Variants in DCTN5 observed in about 807,000 individuals in gnomAD.
DCTN5 encodes the protein dynactin 4.
DCTN5 carries 14 observed loss-of-function variants against 23.5 expected under a neutral mutation model. The observed-to-expected ratio is 0.60, with a 90% CI of 0.39 to 0.93. DCTN5 has a LOEUF of 0.93. Among genes scored for constraint, DCTN5 ranks in the 40% least tolerant of loss-of-function variants. The pLI, the probability that DCTN5 is intolerant of heterozygous loss-of-function variation, is 0.00. For missense variants in DCTN5, 156 were observed against 225.9 expected (o/e 0.69, Z 1.98); for synonymous variants, 67 against 79.6 (o/e 0.84, Z 0.84).
At position 23,644,905 on chromosome 16, in the gene DCTN5, G is replaced by C. The variant is rs1458598507; in HGVS notation, c.117+1882G>C. Among the ~76,000 whole-genome samples, 4 of 143,348 alleles carry C rather than the reference G, an allele frequency of 2.8e-5. No homozygotes were observed. The East Asian group carries it at 9.1e-4, about 33-fold the overall frequency. 94.0% of individuals were successfully genotyped at this position (143,348 alleles called of 152,430 possible). ...AAGGATTCTCATGCCTCAGCCTCCT[G>C]TGTAGCTGGGACTACAGGTGCACGC... On this transcript the variant is annotated intron_variant, in intron 2 of 5. Transcript: ENST00000300087.
intron 3 of DCTN5, among the ~76,000 whole-genome samples, chr16:23,659,172 A>C (rs1043044669): frequency 3.3e-5 from 5 of 151,944 alleles, no homozygotes; most frequent in African/African-American, 1.2e-4. Context: ...TTACTTCCAA[A>C]CTCTTGAGAG....
intron 2 of DCTN5, among the ~76,000 whole-genome samples, chr16:23,643,637 G>A (rs752542717): frequency 1.3e-5 from 2 of 152,006 alleles, no homozygotes; most frequent in South Asian, 4.1e-4. Flanking sequence ...GGCACAAAGT[G>A]TAACAGGTAA....
rs750072403 is a variant in DCTN5 at position 23,658,498 on chromosome 16, G to C, written c.118-9G>C. On this transcript the variant is annotated splice_polypyrimidine_tract_variant and intron_variant, in intron 2 of 5. Coordinates refer to ENST00000300087, the MANE Select transcript of DCTN5 (RefSeq NM_032486.4). ...TTGCTAATTTTTTAAAATTTGCTTCGTCTTACAGACCATTGTGATGAATGA... is the reference window on the plus strand; with the variant it reads ...TTGCTAATTTTTTAAAATTTGCTTCCTCTTACAGACCATTGTGATGAATGA... The C allele has an allele frequency of 4.4e-6, 7 of 1,606,638 alleles. No homozygotes were observed. The highest frequency in any genetic ancestry group is 4.0e-5 in the African/African-American group (3 of 74,676).
chr16:23,643,202 G>C (rs1038304367), intron 2 of DCTN5, among the ~76,000 whole-genome samples, 179 bp downstream of exon 2: 1 of 144,038 alleles, frequency 6.9e-6, no homozygotes, highest in African/African-American at 2.6e-5. Context: ...TTTTTGTTTC[G>C]GTTTTTTTTG....
At position 23,675,609 on chromosome 16, in the gene DCTN5, A is replaced by G. The variant is rs1480366684; in HGVS notation, c.*8465A>G. 6 of 152,164 alleles carry G rather than the reference A, an allele frequency of 3.9e-5. No individual in the cohort carries two copies. The East Asian group carries it at 7.7e-4, about 20-fold the overall frequency. The allele number at this position is 152,164 out of a possible 1,614,324, so 9.4% of individuals were successfully genotyped here. ...AGTAAGAGATGGTTGAAAAAATGCA[A>G]TGTTATGATTGCTGAACAGGGCACG... On this transcript the variant is annotated 3_prime_UTR_variant, in exon 6 of 6. Transcript: ENST00000300087.
chr16:23,672,386 A>G lies in DCTN5; in HGVS notation c.*5242A>G, dbSNP rs1362826927. On this transcript the variant is annotated 3_prime_UTR_variant, in exon 6 of 6. Coordinates refer to ENST00000300087, the MANE Select transcript of DCTN5 (RefSeq NM_032486.4). Reference sequence around the variant, plus strand: ...TTTATCCCATTTTATAAACATGGAAATTGAGGCACAGAGAGATTAAGTACT... The same window carrying G: ...TTTATCCCATTTTATAAACATGGAAGTTGAGGCACAGAGAGATTAAGTACT... The G allele has an allele frequency of 1.3e-5, 2 of 152,208 alleles. No individual in the cohort carries two copies. Among genetic ancestry groups the G allele is most frequent in the Non-Finnish European group, 2.9e-5 (2 of 68,036 alleles). 9.4% of individuals were successfully genotyped at this position (152,208 alleles called of 1,614,324 possible). A position where few individuals can be genotyped will look rare whatever the true frequency, so the allele number is the denominator to read the frequency against.
intron 3 of DCTN5, 44 bp downstream of exon 3, chr16:23,658,669 G>A: frequency 6.9e-7 from 1 of 1,457,384 alleles, no homozygotes; most frequent in Non-Finnish European, 9.6e-7. Context: ...GCAAGAAGCT[G>A]CCACTGGTGG....
At chr16:23,641,866 G>C (rs980367548) in intron 1 of DCTN5, among the ~76,000 whole-genome samples, 7 of 152,068 alleles carry the variant, frequency 4.6e-5, no homozygotes, top group African/African-American at 1.7e-4. Flanking sequence ...ATTACAGCTC[G>C]GACTTCGGGC....
At chr16:23,659,824 C>T (rs1967778911) in intron 3 of DCTN5, among the ~76,000 whole-genome samples, 1 of 152,148 alleles carries the variant, frequency 6.6e-6, no homozygotes, top group South Asian at 2.1e-4. Flanking sequence ...CAGAAAACCT[C>T]CTGGTACCCT....
At chr16:23,666,624 G>T (rs1597126654) in intron 5 of DCTN5, 1 of 207,222 alleles carries the variant, frequency 4.8e-6, no homozygotes, top group Non-Finnish European at 9.8e-6. Context: ...TAAATTCACA[G>T]ATGGAAAATA....
chr16:23,662,575 C>T (rs1967833984), intron 4 of DCTN5, among the ~76,000 whole-genome samples: 1 of 152,162 alleles, frequency 6.6e-6, no homozygotes, highest in Non-Finnish European at 1.5e-5. Flanking sequence ...TAATATGGAG[C>T]CAGCTCTCTG....
rs1567228445 is a variant in DCTN5 at position 23,645,120 on chromosome 16, TATATATATATA to T, written c.117+2098_117+2108del. 2.8e-3 allele frequency among the ~76,000 whole-genome samples: 121 copies of T among 43,044 alleles called. 7 individuals are homozygous for T. Among genetic ancestry groups the T allele is most frequent in the Non-Finnish European group, 4.2e-3 (96 of 23,026 alleles). The allele number at this position is 43,044 out of a possible 152,430, so 28.2% of individuals were successfully genotyped here. ...ATATATATATATATATATATATATA[TATATATATATA>T]TATATATTTTTTTTTTTTTTAATAC... is the stretch of plus-strand genomic sequence containing the variant. On this transcript the variant is annotated intron_variant, in intron 2 of 5. Transcript: ENST00000300087.
intron 3 of DCTN5, among the ~76,000 whole-genome samples, chr16:23,659,680 A>G (rs1255034192): frequency 6.6e-6 from 1 of 152,250 alleles, no homozygotes; most frequent in Non-Finnish European, 1.5e-5. Flanking sequence ...ACCCAGAAGT[A>G]TATCATGCAG....
chr16:23,665,597 A>G, intron 4 of DCTN5, 29 bp from the exon 5 acceptor site: 1 of 1,596,694 alleles, frequency 6.3e-7, no homozygotes, highest in Non-Finnish European at 8.6e-7. Flanking sequence ...AGACTGATCC[A>G]TTTCCTATTA....
intron 2 of DCTN5, among the ~76,000 whole-genome samples, chr16:23,657,939 A>G (rs1334986035): frequency 6.6e-6 from 1 of 152,040 alleles, no homozygotes; most frequent in Non-Finnish European, 1.5e-5. Flanking sequence ...GAGGGTGCCT[A>G]CTCTTTACCA....
chr16:23,643,401 C>CA (rs2140968750), intron 2 of DCTN5, among the ~76,000 whole-genome samples: 1 of 151,946 alleles, frequency 6.6e-6, no homozygotes, highest in East Asian at 2.0e-4. Flanking sequence ...TCATGTTGGC[C>CA]AGGCTGGTCT....
chr16:23,661,335 T>C, intron 4 of DCTN5, 54 bp downstream of exon 4: 2 of 1,283,572 alleles, frequency 1.6e-6, no homozygotes, highest in South Asian at 1.2e-5. Context: ...TCAGCTCCCA[T>C]CCCTCACTTC....
At position 23,674,106 on chromosome 16, in the gene DCTN5, C is replaced by T. The variant is rs1037372963; in HGVS notation, c.*6962C>T. On this transcript the variant is annotated 3_prime_UTR_variant, in exon 6 of 6. Coordinates refer to ENST00000300087, the MANE Select transcript of DCTN5 (RefSeq NM_032486.4). ...ATTCTCAGATCCTAATTGCCTGGCC[C>T]TGACTCTAAGCTGAAACCTGCTACT... The T allele has an allele frequency of 1.3e-5, 2 of 152,178 alleles. No homozygotes were observed. The highest frequency in any genetic ancestry group is 6.5e-5 in the Admixed American group (1 of 15,280). 9.4% of individuals were successfully genotyped at this position (152,178 alleles called of 1,614,324 possible).
At chr16:23,659,960 G>A (rs1967781453) in intron 3 of DCTN5, among the ~76,000 whole-genome samples, 1 of 152,206 alleles carries the variant, frequency 6.6e-6, no homozygotes, top group Admixed American at 6.5e-5. Flanking sequence ...ATGAAGGGAT[G>A]TGTAAATAGG....
Sources: allele counts gnomAD v4.1 joint callset (sites outside exome capture counted in the v4.1 genomes callset), GRCh38; gene constraint gnomAD v4.1.1; transcripts MANE v1.5; gene names NCBI Gene and HGNC (gene_info 2026-07-23, HGNC 2026-07-21).